NFIA: variants seen among roughly 807,000 people sequenced by gnomAD.
NFIA encodes the protein nuclear factor I A, also known as nuclear factor 1 A-type.
NFIA carries 8 observed loss-of-function variants against 62.8 expected under a neutral mutation model. The ratio of observed to expected loss-of-function variants is 0.13; its 90% CI spans 0.07 to 0.23. The LOEUF is 0.23. NFIA is among the 10% of genes least tolerant of loss of function. NFIA has a pLI of 1.00. For synonymous variants in NFIA, 235 were observed against 238.1 expected, an observed-to-expected ratio of 0.99 and a Z score of 0.12; for missense variants, 410 against 642.1, an observed-to-expected ratio of 0.64 and a Z score of 3.91.
chr1:61,212,232 A>G (rs1252223205), intron 2 of NFIA, among the ~76,000 whole-genome samples: 1 of 152,130 alleles, frequency 6.6e-6, no homozygotes, highest in Non-Finnish European at 1.5e-5. Context: ...CTGTGCTAAC[A>G]TTTCACCTTT....
At chr1:61,081,797 G>T, upstream of NFIA, 5 of 1,396,356 alleles carry the variant, frequency 3.6e-6, no homozygotes, top group Non-Finnish European at 4.8e-6. Context: ...AAAGTTTGCA[G>T]GATTGTGTGC....
intron 3 of NFIA, among the ~76,000 whole-genome samples, chr1:61,283,581 C>CA (rs576613886): frequency 0.01 from 373 of 36,630 alleles, 21 homozygotes; most frequent in South Asian, 0.018. Context: ...GACTCTGTCT[C>CA]AAAAAAAAAA....
chr1:61,445,330 A>G lies in NFIA; in HGVS notation c.1513-9973A>G, dbSNP rs192684285. Among the ~76,000 whole-genome samples, 18 of 152,328 alleles carry G rather than the reference A, an allele frequency of 1.2e-4. No homozygotes were observed. In the South Asian group the frequency reaches 2.3e-3, roughly 19 times the overall value. On this transcript the variant is annotated intron_variant, in intron 10 of 10. Coordinates refer to ENST00000403491, the MANE Select transcript of NFIA (RefSeq NM_001134673.4). ...ACAAATCCCAACCGCAGCCCCATCA[A>G]GAAGCCTCCCCCTCATATCCCCTGG...
At chr1:61,177,001 C>G (rs940583527) in intron 2 of NFIA, among the ~76,000 whole-genome samples, 5 of 151,722 alleles carry the variant, frequency 3.3e-5, no homozygotes, top group Admixed American at 6.6e-5. Context: ...AGCTACTCGG[C>G]AGGCTGAGGC....
chr1:61,140,412 G>A (rs1160919686), intron 2 of NFIA, among the ~76,000 whole-genome samples: 2 of 151,434 alleles, frequency 1.3e-5, no homozygotes, highest in East Asian at 1.9e-4. Context: ...AGTATACAGT[G>A]TCCCAATTTA....
Position 61,280,348 on chromosome 1 carries a change from AC to A in NFIA, c.625+2764del, listed in dbSNP as rs1050398432. On this transcript the variant is annotated intron_variant, in intron 3 of 10. Transcript: ENST00000403491. ...AGAGGGAACTCTCATAGGTGTATCA[AC>A]AAAGCTCTAAGAAATTTTGGAATCT... Among the ~76,000 whole-genome samples, 6 of 152,254 alleles carry A rather than the reference AC, an allele frequency of 3.9e-5. 1 individual carries two copies. The highest frequency in any genetic ancestry group is 1.3e-4 in the Admixed American group (2 of 15,290).
Position 61,088,762 on chromosome 1 carries a change from C to G in NFIA, c.559+82C>G. ...GCCTCCGCGTTATGCCGGATTCTTC[C>G]TGAGCTCCCCAAGTTGCAGGCCACG... On this transcript the variant is annotated intron_variant, in intron 2 of 10. Coordinates refer to ENST00000403491, the MANE Select transcript of NFIA (RefSeq NM_001134673.4). This position sits in a 1 kb window ranked among gnomAD's most constrained non-coding sequence, Gnocchi z 4.5. 6.8e-7 allele frequency: 1 copy of G among 1,478,736 alleles called. No homozygotes were observed. Among genetic ancestry groups the G allele is most frequent in the East Asian group, 2.3e-5 (1 of 44,016 alleles). 91.6% of individuals were successfully genotyped at this position (1,478,736 alleles called of 1,614,324 possible). A position where few individuals can be genotyped will look rare whatever the true frequency, so the allele number is the denominator to read the frequency against.
At chr1:61,218,509 G>A (rs1410118287) in intron 2 of NFIA, among the ~76,000 whole-genome samples, 2 of 152,146 alleles carry the variant, frequency 1.3e-5, no homozygotes, top group African/African-American at 2.4e-5. Context: ...AATCAACCAC[G>A]AATTGAAAAT....
In NFIA at chr1:61,456,045, A is replaced by G. The variant is rs1668288199; in HGVS notation, c.*725A>G. ...TTTGAAATGCTGCACTTACATTTAAAAAAACAACAACAACATTTTTTCAAC... is the reference window on the plus strand; with the variant it reads ...TTTGAAATGCTGCACTTACATTTAAGAAAACAACAACAACATTTTTTCAAC... On this transcript the variant is annotated 3_prime_UTR_variant, in exon 11 of 11. Transcript: ENST00000403491. 6.6e-6 allele frequency: 1 copy of G among 152,642 alleles called. No individual in the cohort carries two copies. The highest frequency in any genetic ancestry group is 1.5e-5 in the Non-Finnish European group (1 of 68,038). 9.5% of individuals were successfully genotyped at this position (152,642 alleles called of 1,614,324 possible).
intron 4 of NFIA, among the ~76,000 whole-genome samples, chr1:61,345,168 A>T (rs1276595641): frequency 6.6e-6 from 1 of 152,240 alleles, no homozygotes; most frequent in Non-Finnish European, 1.5e-5. Flanking sequence ...CTTTTGAGAA[A>T]AACTCCTCGA....
At chr1:61,400,463 G>T (rs1228994602) in intron 7 of NFIA, among the ~76,000 whole-genome samples, 1 of 152,170 alleles carries the variant, frequency 6.6e-6, no homozygotes, top group Non-Finnish European at 1.5e-5. Context: ...AGCCAATTTT[G>T]TAGTGTCTTT....
At chr1:61,406,246 CAG>C (rs1377682518) in intron 8 of NFIA, among the ~76,000 whole-genome samples, 4 of 151,996 alleles carry the variant, frequency 2.6e-5, no homozygotes, top group South Asian at 2.1e-4. Context: ...GTTGGTTACT[CAG>C]GGGACAAATC....
intron 2 of NFIA, among the ~76,000 whole-genome samples, chr1:61,144,865 C>G (rs1647811432): frequency 6.6e-6 from 1 of 152,132 alleles, no homozygotes; most frequent in Non-Finnish European, 1.5e-5. Flanking sequence ...TAATTCCAAC[C>G]TGGGTCCATT....
chr1:61,282,485 A>G (rs985957584), intron 3 of NFIA, among the ~76,000 whole-genome samples: 1 of 152,214 alleles, frequency 6.6e-6, no homozygotes, highest in Non-Finnish European at 1.5e-5. Context: ...CCTGATATTT[A>G]CAGGGCCTGT....
At chr1:61,264,775 A>T (rs570365207) in intron 2 of NFIA, among the ~76,000 whole-genome samples, 32 of 152,160 alleles carry the variant, frequency 2.1e-4, no homozygotes, top group Non-Finnish European at 8.8e-5. Flanking sequence ...TTACTAAGCA[A>T]ATTACTCACA....
chr1:61,087,396 C>T (rs1646236532), intron 1 of NFIA, among the ~76,000 whole-genome samples: 2 of 151,462 alleles, frequency 1.3e-5, no homozygotes, highest in South Asian at 4.2e-4. Flanking sequence ...CTCTTTCTTC[C>T]CCCTTTTTGT....
At chr1:61,269,507 G>A (rs140940397) in intron 2 of NFIA, among the ~76,000 whole-genome samples, 86 of 152,242 alleles carry the variant, frequency 5.6e-4, no homozygotes, top group African/African-American at 1.9e-3. Flanking sequence ...AGAGCTGGAT[G>A]TATTTTTTTT....
intron 10 of NFIA, among the ~76,000 whole-genome samples, chr1:61,437,075 A>G (rs1266071494): frequency 6.6e-6 from 1 of 152,224 alleles, no homozygotes; most frequent in East Asian, 1.9e-4. Flanking sequence ...TTCTCAGCAC[A>G]GGGCAACCTC....
intron 6 of NFIA, among the ~76,000 whole-genome samples, chr1:61,381,454 C>T (rs1040731623): frequency 2.0e-5 from 3 of 152,134 alleles, no homozygotes; most frequent in African/African-American, 7.2e-5. Context: ...CAGCAAGCAA[C>T]AAATATAACT....
Sources: allele counts gnomAD v4.1 joint callset (sites outside exome capture counted in the v4.1 genomes callset), GRCh38; gene constraint gnomAD v4.1.1; non-coding constraint Gnocchi (gnomAD v3.1); transcripts MANE v1.5; gene names NCBI Gene and HGNC (gene_info 2026-07-23, HGNC 2026-07-21).